ATRN: variants seen among roughly 807,000 people sequenced by gnomAD.
ATRN encodes the protein attractin, also known as attractin-2.
Under a neutral mutation model 178.7 loss-of-function variants are expected in ATRN, and 54 were observed. That is an observed-to-expected ratio of 0.30 (90% CI 0.24 to 0.38). The LOEUF (loss-of-function observed/expected upper bound fraction) is 0.38, where lower values mean the gene tolerates loss of function less well. Among genes scored for constraint, ATRN ranks in the 10% least tolerant of loss-of-function variants. ATRN has a pLI of 1.00. For synonymous variants in ATRN, 636 were observed against 663.0 expected (o/e 0.96, Z 0.63); for missense variants, 1,443 against 1,815.1 (o/e 0.79, Z 3.73).
chr20:3,602,046 T>C (rs999632019), intron 23 of ATRN, among the ~76,000 whole-genome samples: 2 of 152,122 alleles, frequency 1.3e-5, no homozygotes, highest in Admixed American at 1.3e-4. Flanking sequence ...AACACCGTCC[T>C]GGCAGGGCGT....
chr20:3,511,281 A>G (rs238694), intron 1 of ATRN, among the ~76,000 whole-genome samples: 2,397 of 152,304 alleles, frequency 0.016, 49 homozygotes, highest in African/African-American at 0.043. Context: ...AGGATTAACA[A>G]AGACAAACAT....
At chr20:3,495,177 T>A (rs989199919) in intron 1 of ATRN, among the ~76,000 whole-genome samples, 2 of 152,198 alleles carry the variant, frequency 1.3e-5, no homozygotes, top group African/African-American at 4.8e-5. Context: ...TTTAAGAAAT[T>A]AGATCAAAAT....
chr20:3,622,440 CTG>C (rs1164320234), intron 24 of ATRN, among the ~76,000 whole-genome samples: 2 of 152,252 alleles, frequency 1.3e-5, no homozygotes, highest in Non-Finnish European at 2.9e-5. Context: ...GTATGACAGT[CTG>C]TGAGTAGGGA....
chr20:3,644,026 A>T, intron 27 of ATRN, 128 bp from the exon 28 acceptor site: 1 of 676,006 alleles, frequency 1.5e-6, no homozygotes, highest in Non-Finnish European at 2.6e-6. Context: ...TCATTATCTT[A>T]AAAACTGCAA....
intron 1 of ATRN, among the ~76,000 whole-genome samples, chr20:3,483,800 CA>C (rs150372446): frequency 1.6e-4 from 24 of 147,752 alleles, no homozygotes; most frequent in East Asian, 1.2e-3. Flanking sequence ...TATTATTTTT[CA>C]AAAAAAAACA....
chr20:3,472,178 T>C (rs1270190115), intron 1 of ATRN, among the ~76,000 whole-genome samples: 1 of 152,194 alleles, frequency 6.6e-6, no homozygotes, highest in Admixed American at 6.5e-5. Flanking sequence ...CTGGACAATA[T>C]GAAGTTCTGA....
rs1031294017 is a variant in ATRN, at chr20:3,549,098, A to T, written c.944-72A>T. On this transcript the variant is annotated intron_variant, in intron 5 of 28. Transcript: ENST00000262919. ...TTATTTAAATATTTGTTACATTTAG[A>T]TAATTAAAACTTGAAATGCAGTAAG... The T allele has an allele frequency of 5.7e-6, 7 of 1,229,748 alleles. No individual in the cohort carries two copies. In the African/African-American group the frequency reaches 9.4e-5, roughly 17 times the overall value. 76.2% of individuals were successfully genotyped at this position (1,229,748 alleles called of 1,614,324 possible). A position where few individuals can be genotyped will look rare whatever the true frequency, so the allele number is the denominator to read the frequency against.
intron 7 of ATRN, 90 bp downstream of exon 7, chr20:3,559,573 G>A (rs879086612): frequency 1.8e-6 from 2 of 1,083,202 alleles, no homozygotes; most frequent in African/African-American, 1.6e-5. Flanking sequence ...CCTCAGTGTT[G>A]GTTTTTAATT....
At chr20:3,488,468 A>AT (rs922769826) in intron 1 of ATRN, among the ~76,000 whole-genome samples, 1 of 152,042 alleles carries the variant, frequency 6.6e-6, no homozygotes, top group African/African-American at 2.4e-5. Context: ...ATCCAATCCC[A>AT]TTTTTTGAGA....
chr20:3,512,107 A>ATATTTTTTT, intron 1 of ATRN, among the ~76,000 whole-genome samples: 1 of 106,392 alleles, frequency 9.4e-6, no homozygotes, highest in African/African-American at 4.4e-5. Context: ...ATATATATAT[A>ATATTTTTTT]TTTTTTTTTT....
chr20:3,473,240 G>A (rs960033764), intron 1 of ATRN, among the ~76,000 whole-genome samples: 3 of 152,144 alleles, frequency 2.0e-5, no homozygotes, highest in African/African-American at 7.2e-5. Context: ...TTTGTTTAAG[G>A]CTGTGGAGGT....
chr20:3,499,709 T>A (rs1314866331), intron 1 of ATRN, among the ~76,000 whole-genome samples: 1 of 149,280 alleles, frequency 6.7e-6, no homozygotes, highest in Non-Finnish European at 1.5e-5. Context: ...ACTTAAACGT[T>A]AGACCTAAAA....
At chr20:3,484,367 T>G (rs1230087660) in intron 1 of ATRN, among the ~76,000 whole-genome samples, 5 of 152,216 alleles carry the variant, frequency 3.3e-5, no homozygotes, top group African/African-American at 9.6e-5. Flanking sequence ...GTACTGACCT[T>G]GTAAATATAC....
chr20:3,646,960 A>G lies in ATRN; in HGVS notation c.*113A>G, dbSNP rs921607891. 1 of 1,377,134 alleles carries G rather than the reference A, an allele frequency of 7.3e-7. No individual in the cohort carries two copies. Among genetic ancestry groups the G allele is most frequent in the Non-Finnish European group, 9.6e-7 (1 of 1,038,790 alleles). The allele number at this position is 1,377,134 out of a possible 1,614,324, so 85.3% of individuals were successfully genotyped here. A position where few individuals can be genotyped will look rare whatever the true frequency, so the allele number is the denominator to read the frequency against. On this transcript the variant is annotated 3_prime_UTR_variant, in exon 29 of 29. Coordinates refer to ENST00000262919, the MANE Select transcript of ATRN (RefSeq NM_139321.3). Reference sequence around the variant, plus strand: ...GTGCGGTGCGGGACGGAAGACTGGAAACCCTCAAAGCATCTGACTCACCTG... The same window carrying G: ...GTGCGGTGCGGGACGGAAGACTGGAGACCCTCAAAGCATCTGACTCACCTG...
intron 3 of ATRN, among the ~76,000 whole-genome samples, chr20:3,545,379 A>C (rs1002384993): frequency 1.1e-4 from 17 of 151,878 alleles, no homozygotes; most frequent in East Asian, 7.7e-4. Context: ...AAAAAAAAAA[A>C]AACAACAAAA....
At chr20:3,498,796 C>T (rs1568689354) in intron 1 of ATRN, among the ~76,000 whole-genome samples, 2 of 146,886 alleles carry the variant, frequency 1.4e-5, no homozygotes, top group South Asian at 4.2e-4. Context: ...CCTCTCTCAC[C>T]ACTCCTATTC....
intron 1 of ATRN, among the ~76,000 whole-genome samples, chr20:3,508,442 C>T (rs2085077870): frequency 1.3e-5 from 2 of 152,124 alleles, no homozygotes; most frequent in Non-Finnish European, 2.9e-5. Flanking sequence ...TGAAAGCAGT[C>T]ATAAACAATC....
chr20:3,601,322 A>G (rs1194530910), intron 23 of ATRN, among the ~76,000 whole-genome samples: 2 of 152,208 alleles, frequency 1.3e-5, no homozygotes, highest in African/African-American at 4.8e-5. Context: ...TTACTACCCT[A>G]GCCCACCACC....
intron 25 of ATRN, chr20:3,629,053 G>A: frequency 1.0e-6 from 1 of 985,134 alleles, no homozygotes; most frequent in Non-Finnish European, 1.2e-6. Context: ...CTGGTTCCAA[G>A]CCACTTCTCT....
Sources: allele counts gnomAD v4.1 joint callset (sites outside exome capture counted in the v4.1 genomes callset), GRCh38; gene constraint gnomAD v4.1.1; transcripts MANE v1.5; gene names NCBI Gene and HGNC (gene_info 2026-07-23, HGNC 2026-07-21).